MACF1: variants seen among roughly 807,000 people sequenced by gnomAD.
MACF1 encodes the protein microtubule actin crosslinking factor 1.
A neutral mutation model predicts 854.8 loss-of-function variants in MACF1; 193 were observed. That is an observed-to-expected ratio of 0.23 (90% CI 0.20 to 0.25). MACF1 has a LOEUF of 0.25. Ranked by LOEUF, MACF1 falls within the 10% of genes least tolerant of loss-of-function variation. MACF1 has a pLI of 1.00. For synonymous variants in MACF1, 3,185 were observed against 3,226.7 expected, an observed-to-expected ratio of 0.99 and a Z score of 0.44; for missense variants, 7,722 against 8,929.1, an observed-to-expected ratio of 0.86 and a Z score of 5.45.
chr1:39,472,198 T>A (rs778242707), intron 97 of MACF1, among the ~76,000 whole-genome samples: 1 of 152,238 alleles, frequency 6.6e-6, no homozygotes, highest in Non-Finnish European at 1.5e-5. Context: ...AGGAATCTTC[T>A]CTTTTTTTTA....
chr1:39,456,755 C>T (rs1174987994), intron 89 of MACF1: 2 of 152,432 alleles, frequency 1.3e-5, no homozygotes, highest in African/African-American at 2.4e-5. Flanking sequence ...TTCAGCTACG[C>T]TTCTTGTTCC....
rs772838086 is a variant in MACF1, at chr1:39,458,352, A to T, written c.21076-18A>T. On this transcript the variant is annotated intron_variant, in intron 89 of 100. Transcript: ENST00000564288. ...AATACAATATTTAACTCTTTTTCCT[A>T]TTTTTTGTGTTTAACAGACATTTAT... 3 of 1,609,574 alleles carry T rather than the reference A, an allele frequency of 1.9e-6. No individual in the cohort carries two copies. Among genetic ancestry groups the T allele is most frequent in the Admixed American group, 1.7e-5 (1 of 58,586 alleles).
At chr1:39,482,806 AAAAAAAAAAC>A (rs1478622994) in intron 99 of MACF1, among the ~76,000 whole-genome samples, 4 of 148,254 alleles carry the variant, frequency 2.7e-5, no homozygotes, top group Non-Finnish European at 4.5e-5. Flanking sequence ...AAAAAAAAAA[AAAAAAAAAAC>A]CCCACACAGA....
chr1:39,296,802 A>AAG (rs1557571425), intron 20 of MACF1, among the ~76,000 whole-genome samples: 3 of 93,248 alleles, frequency 3.2e-5, no homozygotes, highest in Non-Finnish European at 4.3e-5. Context: ...GGAAGGAAGG[A>AAG]AAAGAAAGAA....
intron 6 of MACF1, among the ~76,000 whole-genome samples, chr1:39,265,416 A>G (rs542035627): frequency 6.6e-6 from 1 of 152,320 alleles, no homozygotes; most frequent in African/African-American, 2.4e-5. Context: ...GTCTTGTGTT[A>G]AGAGACCAGG....
chr1:39,381,707 A>G (rs780027420), intron 55 of MACF1, among the ~76,000 whole-genome samples: 6 of 152,078 alleles, frequency 3.9e-5, no homozygotes, highest in Non-Finnish European at 5.9e-5. Flanking sequence ...GCACACGCCT[A>G]TAGTCCCAGC....
rs557494962 is a variant in MACF1 at position 39,245,308 on chromosome 1, G to A, written c.172-4706G>A. Among the ~76,000 whole-genome samples, 3 of 152,132 alleles carry A rather than the reference G, an allele frequency of 2.0e-5. No individual in the cohort carries two copies. The East Asian group carries it at 5.8e-4, about 29-fold the overall frequency. On this transcript the variant is annotated intron_variant, in intron 2 of 100. Transcript: ENST00000564288. ...ATTTATTTTTATTATTATTATTTTTGAGATGGAGTCTTGCTCTGTCACCCA... is the reference window on the plus strand; with the variant it reads ...ATTTATTTTTATTATTATTATTTTTAAGATGGAGTCTTGCTCTGTCACCCA...
rs748548071 is a variant in MACF1, at chr1:39,487,047, T to G, written c.*1253T>G. On this transcript the variant is annotated 3_prime_UTR_variant, in exon 101 of 101. Transcript: ENST00000564288. ...CTTATCTATAAATGTTACCCTGGGG[T>G]ATAATCATGTTGTAGGTACTTAAAT... 6.6e-6 allele frequency: 1 copy of G among 152,482 alleles called. No individual in the cohort carries two copies. Among genetic ancestry groups the G allele is most frequent in the Non-Finnish European group, 1.5e-5 (1 of 68,052 alleles). The allele number at this position is 152,482 out of a possible 1,614,324, so 9.4% of individuals were successfully genotyped here. A position where few individuals can be genotyped will look rare whatever the true frequency, so the allele number is the denominator to read the frequency against.
At chr1:39,456,741 C>T (rs536493584) in intron 89 of MACF1, 23 of 152,548 alleles carry the variant, frequency 1.5e-4, no homozygotes, top group African/African-American at 4.3e-4. Flanking sequence ...AGTTCCCCTC[C>T]TTTTTCAGCT....
intron 2 of MACF1, among the ~76,000 whole-genome samples, chr1:39,138,301 A>G (rs1389303019): frequency 1.3e-5 from 2 of 152,026 alleles, no homozygotes; most frequent in African/African-American, 2.4e-5. Context: ...GGCTGGTGGT[A>G]GGCTGGACGC....
intron 58 of MACF1, among the ~76,000 whole-genome samples, chr1:39,394,981 C>A (rs1292153368): frequency 6.6e-6 from 1 of 151,964 alleles, no homozygotes; most frequent in Non-Finnish European, 1.5e-5. Flanking sequence ...TTAAACAAAG[C>A]TACTCCAAAT....
chr1:39,274,361 G>A (rs144271653), intron 6 of MACF1, among the ~76,000 whole-genome samples: 36 of 152,248 alleles, frequency 2.4e-4, no homozygotes, highest in African/African-American at 7.9e-4. Context: ...CTGCATTGTG[G>A]GTTCTGCGTC....
At chr1:39,119,187 C>T (rs1642624311) in intron 2 of MACF1, among the ~76,000 whole-genome samples, 1 of 151,972 alleles carries the variant, frequency 6.6e-6, no homozygotes, top group Admixed American at 6.6e-5. Context: ...CGTGGTGGCC[C>T]ATGCCTGTAA....
intron 28 of MACF1, 119 bp from the exon 29 acceptor site, chr1:39,317,095 G>A: frequency 4.9e-6 from 5 of 1,022,062 alleles, no homozygotes; most frequent in South Asian, 3.2e-5. Context: ...ACATTCCAGG[G>A]CACAATCACA....
At chr1:39,484,084 C>G (rs1422446387) in intron 99 of MACF1, among the ~76,000 whole-genome samples, 1 of 152,156 alleles carries the variant, frequency 6.6e-6, no homozygotes, top group African/African-American at 2.4e-5. Flanking sequence ...ACCCAGGAGG[C>G]AGAGCTTGCG....
rs554585414 is a variant in MACF1, at chr1:39,118,568, T to G, written c.220+34130T>G. Among the ~76,000 whole-genome samples the G allele has an allele frequency of 4.6e-5, 7 of 152,334 alleles. No homozygotes were observed. In the South Asian group the frequency reaches 1.2e-3, roughly 27 times the overall value. ...TTTCCCTGTGGGAGAGAAAGATAGA[T>G]GGAGCATTAGGTGCCCATCTCTCAG... is the stretch of plus-strand genomic sequence containing the variant. On this transcript the variant is annotated intron_variant, in intron 2 of 93. Transcript: ENST00000361689.
At chr1:39,136,107 G>A (rs1486450561) in intron 2 of MACF1, among the ~76,000 whole-genome samples, 1 of 152,138 alleles carries the variant, frequency 6.6e-6, no homozygotes, top group African/African-American at 2.4e-5. Context: ...GACACAGTAA[G>A]GGAGCTACAT....
chr1:39,447,825 G>A lies in MACF1; in HGVS notation c.19895G>A (p.Arg6632Gln), dbSNP rs1644258726. The part of the protein sequence containing the change: ...IKNLLVSVQS[R>Q]WEKVVQRSIE... ...AATTTGTTGGTGAGCGTGCAGTCTC[G>A]ATGGGAGAAGGTTGTCCAGCGATCT... Residue 6632 changes from arginine (R) to glutamine (Q), a missense_variant, in exon 82 of 101, where the codon CGA becomes CAA. Arg to Gln is a conservative substitution (Grantham distance 43). Transcript: ENST00000564288. 7 of 1,613,704 alleles carry A rather than the reference G, an allele frequency of 4.3e-6. No individual in the cohort carries two copies. The highest frequency in any genetic ancestry group is 1.1e-5 in the South Asian group (1 of 91,050).
intron 97 of MACF1, among the ~76,000 whole-genome samples, chr1:39,474,396 A>T (rs1432358900): frequency 6.6e-6 from 1 of 151,748 alleles, no homozygotes; most frequent in Admixed American, 6.6e-5. Context: ...CGCAAAAAAT[A>T]ATAATAAATA....
Sources: gnomAD v4.1 joint callset for allele counts (sites outside exome capture counted in the v4.1 genomes callset) on GRCh38, gnomAD v4.1.1 for gene constraint, MANE v1.5 for transcripts, NCBI Gene and HGNC (gene_info 2026-07-23, HGNC 2026-07-21) for gene names.